Variants in CIMAP2 observed in about 807,000 individuals in gnomAD.
The protein encoded by CIMAP2 is ciliary microtubule associated protein 2.
chr1:54,811,773 G>GCACCCCC, the CIMAP2 span: 1 of 1,325,052 alleles, frequency 7.5e-7, no homozygotes, highest in Non-Finnish European at 1.0e-6. Flanking sequence ...CAGCCTCCAT[G>GCACCCCC]CCCCCACCCC....
chr1:54,838,294 C>T, the CIMAP2 span, among the ~76,000 whole-genome samples: 4 of 151,948 alleles, frequency 2.6e-5, no homozygotes, highest in Non-Finnish European at 4.4e-5. Context: ...ACCATCCTGG[C>T]CAACATGGTG....
chr1:54,807,551 G>C, the CIMAP2 span: 1 of 1,590,418 alleles, frequency 6.3e-7, no homozygotes, highest in Non-Finnish European at 8.6e-7. Flanking sequence ...GGGACTTACA[G>C]CTCCAAAGAG....
At chr1:54,830,291 C>G in the CIMAP2 span, among the ~76,000 whole-genome samples, 2 of 152,078 alleles carry the variant, frequency 1.3e-5, no homozygotes, top group African/African-American at 2.4e-5. This position sits in a 1 kb window ranked among gnomAD's most constrained non-coding sequence, Gnocchi z 4.1. Context: ...GGCGCGATCT[C>G]AGCTCACCAC....
chr1:54,811,773 G>GGCGCCCCCCCCCC, the CIMAP2 span: 1 of 1,325,052 alleles, frequency 7.5e-7, no homozygotes, highest in Non-Finnish European at 1.0e-6. Flanking sequence ...CAGCCTCCAT[G>GGCGCCCCCCCCCC]CCCCCACCCC....
At chr1:54,811,765 G>GCCGGGGGGGGCCCCCCCCCCCCCCCCC in the CIMAP2 span, 2 of 1,301,330 alleles carry the variant, frequency 1.5e-6, no homozygotes, top group Non-Finnish European at 2.2e-6. Flanking sequence ...GGTTCTGACA[G>GCCGGGGGGGGCCCCCCCCCCCCCCCCC]CCTCCATGCC....
the CIMAP2 span, chr1:54,817,082 A>G: frequency 6.2e-7 from 1 of 1,614,222 alleles, no homozygotes; most frequent in Non-Finnish European, 8.5e-7. Context: ...GAGTGGATCC[A>G]AACGCTACCT....
At chr1:54,824,266 A>G in the CIMAP2 span, among the ~76,000 whole-genome samples, 1 of 152,196 alleles carries the variant, frequency 6.6e-6, no homozygotes, top group Admixed American at 6.5e-5. Flanking sequence ...GAGCTTGAGC[A>G]GTCCTCCTGC....
the CIMAP2 span, chr1:54,817,213 A>G: frequency 4.6e-6 from 7 of 1,524,980 alleles, no homozygotes; most frequent in African/African-American, 9.5e-5. Flanking sequence ...TTTGGTTCCC[A>G]TGGGAACACA....
At chr1:54,815,785 C>T in the CIMAP2 span, among the ~76,000 whole-genome samples, 1 of 152,208 alleles carries the variant, frequency 6.6e-6, no homozygotes, top group Admixed American at 6.5e-5. Context: ...ATGGCCGTAA[C>T]TATCCCCCAG....
the CIMAP2 span, among the ~76,000 whole-genome samples, chr1:54,812,553 A>G: frequency 2.6e-5 from 4 of 152,296 alleles, no homozygotes; most frequent in East Asian, 7.7e-4. Flanking sequence ...GCATCCTCCT[A>G]TTTTGGAAAC....
the CIMAP2 span, among the ~76,000 whole-genome samples, chr1:54,813,410 C>A: frequency 6.6e-6 from 1 of 152,230 alleles, no homozygotes; most frequent in Admixed American, 6.5e-5. Context: ...TAGTATCATA[C>A]AGAATAGTTT....
chr1:54,837,128 G>C, the CIMAP2 span, among the ~76,000 whole-genome samples: 1 of 152,132 alleles, frequency 6.6e-6, no homozygotes, highest in African/African-American at 2.4e-5. Flanking sequence ...CTAGATTGAG[G>C]TAGGGGACTG....
chr1:54,811,030 G>A, the CIMAP2 span, among the ~76,000 whole-genome samples: 1 of 152,154 alleles, frequency 6.6e-6, no homozygotes, highest in South Asian at 2.1e-4. Flanking sequence ...CCCCAAGCAC[G>A]TGCCATTCCA....
chr1:54,814,111 G>A, the CIMAP2 span: 23 of 1,145,332 alleles, frequency 2.0e-5, no homozygotes, highest in Non-Finnish European at 2.6e-5. Flanking sequence ...TCCAATCCTG[G>A]TCTGGAACAT....
chr1:54,807,975 C>G, the CIMAP2 span: 1 of 1,604,580 alleles, frequency 6.2e-7, no homozygotes, highest in South Asian at 1.1e-5. Context: ...GGGGGCTGCT[C>G]AGCTCTGGGG....
the CIMAP2 span, among the ~76,000 whole-genome samples, chr1:54,808,611 C>CCGGGGG: frequency 9.0e-5 from 4 of 44,208 alleles, 1 homozygote; most frequent in South Asian, 3.2e-3. Flanking sequence ...CCAGGTGCTG[C>CCGGGGG]CGGGGGAGGG....
the CIMAP2 span, among the ~76,000 whole-genome samples, chr1:54,828,083 G>A: frequency 1.3e-5 from 2 of 152,082 alleles, no homozygotes; most frequent in Non-Finnish European, 2.9e-5. Flanking sequence ...TTGTTTTGGA[G>A]GTTGTAGCAA....
chr1:54,821,858 T>G, the CIMAP2 span, among the ~76,000 whole-genome samples: 1 of 148,040 alleles, frequency 6.8e-6, no homozygotes, highest in African/African-American at 2.4e-5. Context: ...TATAACTTCC[T>G]CATTTCTAAT....
At chr1:54,827,582 C>G in the CIMAP2 span, among the ~76,000 whole-genome samples, 1 of 152,166 alleles carries the variant, frequency 6.6e-6, no homozygotes, top group Admixed American at 6.5e-5. Context: ...GCTGCGTGAC[C>G]TGGGGCAAGT....
Sources: gnomAD v4.1 joint callset for allele counts (sites outside exome capture counted in the v4.1 genomes callset) on GRCh38, gnomAD v4.1.1 for gene constraint, Gnocchi (gnomAD v3.1) non-coding constraint, MANE v1.5 for transcripts, NCBI Gene and HGNC (gene_info 2026-07-23, HGNC 2026-07-21) for gene names.